Variants in SENP7 observed in about 807,000 individuals in gnomAD.
SENP7 encodes the protein sentrin-specific protease 7.
In SENP7, 64 loss-of-function variants were observed where a neutral mutation model predicts 141.2. The observed-to-expected ratio is 0.45, with a 90% confidence interval of 0.37 to 0.56. The LOEUF (loss-of-function observed/expected upper bound fraction) is 0.56, where lower values mean the gene tolerates loss of function less well. Ranked by LOEUF, SENP7 falls within the 20% of genes least tolerant of loss-of-function variation. The pLI, the probability that SENP7 is intolerant of heterozygous loss-of-function variation, is 0.00. For synonymous variants in SENP7, 382 were observed against 426.4 expected (o/e 0.90, Z 1.28); for missense variants, 1,025 against 1,212.2 (o/e 0.85, Z 2.29).
At chr3:101,329,886 G>C (rs1411324892) in intron 20 of SENP7, among the ~76,000 whole-genome samples, 2 of 150,650 alleles carry the variant, frequency 1.3e-5, no homozygotes, top group Admixed American at 1.3e-4. Flanking sequence ...ATCCAGGAGG[G>C]GGAGGTTGCA....
intron 7 of SENP7, 141 bp from the exon 8 acceptor site, chr3:101,368,152 A>G: frequency 1.6e-6 from 1 of 607,300 alleles, no homozygotes; most frequent in Non-Finnish European, 2.8e-6. Flanking sequence ...AAATTCTCAT[A>G]CTGACACTGG....
chr3:101,508,585 T>C (rs2178036), intron 1 of SENP7, among the ~76,000 whole-genome samples: 103,742 of 152,108 alleles, frequency 0.68, 35,895 homozygotes, highest in African/African-American at 0.78. Flanking sequence ...GGGGGCAGAG[T>C]GAGACCCCGT....
Position 101,490,211 on chromosome 3 carries a change from A to AC in SENP7, c.186+3661_186+3662insG, listed in dbSNP as rs527502220. Among the ~76,000 whole-genome samples the AC allele has an allele frequency of 7.2e-5, 11 of 152,144 alleles. No homozygotes were observed. The East Asian group carries it at 1.3e-3, about 19-fold the overall frequency. The stretch of plus-strand genomic sequence containing the variant: ...AAAAAAAAAACAAACAAACAAACAA[A>AC]AAAAAAAAGAGCCTAAAAGTCAGTC... On this transcript the variant is annotated intron_variant, in intron 3 of 23. Transcript: ENST00000394095.
intron 3 of SENP7, among the ~76,000 whole-genome samples, chr3:101,469,390 G>A (rs2063888973): frequency 1.3e-5 from 2 of 152,136 alleles, no homozygotes; most frequent in South Asian, 4.1e-4. Context: ...ACTCAGCTCT[G>A]CAACAAACAG....
chr3:101,463,396 T>TATATATATACATATATATATATATAC (rs1320861204), intron 3 of SENP7, among the ~76,000 whole-genome samples: 1 of 82,862 alleles, frequency 1.2e-5, no homozygotes, highest in African/African-American at 5.9e-5. Flanking sequence ...TATATATATA[T>TATATATATACATATATATATATATAC]ACATATATAT....
chr3:101,441,981 A>G (rs1250980012), intron 4 of SENP7, among the ~76,000 whole-genome samples: 2 of 152,210 alleles, frequency 1.3e-5, no homozygotes, highest in Non-Finnish European at 2.9e-5. Flanking sequence ...AGACTATACC[A>G]CTGCATCCAC....
chr3:101,499,394 A>T (rs189042523), intron 2 of SENP7, among the ~76,000 whole-genome samples: 26 of 152,254 alleles, frequency 1.7e-4, no homozygotes, highest in Middle Eastern at 3.4e-3. Flanking sequence ...CGGGGGACAG[A>T]GTCTCGCTCT....
chr3:101,388,172 T>C (rs1442442029), intron 6 of SENP7, among the ~76,000 whole-genome samples: 1 of 152,140 alleles, frequency 6.6e-6, no homozygotes, highest in Non-Finnish European at 1.5e-5. Context: ...CAAGCCCACC[T>C]GAAGGCCCAA....
chr3:101,499,092 C>T (rs1259284207), intron 2 of SENP7, among the ~76,000 whole-genome samples: 1 of 152,078 alleles, frequency 6.6e-6, no homozygotes, highest in African/African-American at 2.4e-5. Flanking sequence ...GTGAATTTTA[C>T]AGGAACTCTG....
chr3:101,407,648 G>A (rs1427289038), intron 5 of SENP7, among the ~76,000 whole-genome samples: 4 of 152,128 alleles, frequency 2.6e-5, no homozygotes, highest in Non-Finnish European at 5.9e-5. Context: ...TCAAAACCAT[G>A]CAAACACATG....
intron 4 of SENP7, among the ~76,000 whole-genome samples, chr3:101,449,238 C>G (rs903498519): frequency 1.2e-4 from 19 of 152,120 alleles, no homozygotes; most frequent in Non-Finnish European, 2.5e-4. Flanking sequence ...ACCAAATCTA[C>G]GTCTGATTGG....
At chr3:101,422,545 C>T (rs1009425190) in intron 4 of SENP7, among the ~76,000 whole-genome samples, 1 of 152,140 alleles carries the variant, frequency 6.6e-6, no homozygotes, top group South Asian at 2.1e-4. Flanking sequence ...CTCCACCTAA[C>T]CCAACAATCT....
At chr3:101,339,998 T>C (rs1232021333) in intron 16 of SENP7, 97 bp downstream of exon 16, 40 of 1,402,724 alleles carry the variant, frequency 2.9e-5, no homozygotes, top group Admixed American at 5.5e-5. Context: ...CAGGCTACTT[T>C]TAACAGAATT....
chr3:101,447,157 G>GAACA (rs1284934277), intron 4 of SENP7, among the ~76,000 whole-genome samples: 1 of 152,080 alleles, frequency 6.6e-6, no homozygotes, highest in Non-Finnish European at 1.5e-5. Context: ...TGAATGAAGA[G>GAACA]AACAATTCCA....
intron 4 of SENP7, among the ~76,000 whole-genome samples, chr3:101,437,343 T>C (rs946447918): frequency 6.6e-6 from 1 of 152,196 alleles, no homozygotes; most frequent in African/African-American, 2.4e-5. Flanking sequence ...TACTTAATCA[T>C]ATATTTTTAA....
chr3:101,466,387 A>C lies in SENP7; in HGVS notation c.187-7335T>G, dbSNP rs568898736. ...GCAAGAAAAATATCAAATCACACAT[A>C]AGAAAATCCCCATAAGATTAAAAAC... On this transcript the variant is annotated intron_variant, in intron 3 of 23. Coordinates refer to ENST00000394095, the MANE Select transcript of SENP7 (RefSeq NM_020654.5). Among the ~76,000 whole-genome samples the C allele has an allele frequency of 3.9e-5, 6 of 152,318 alleles. No homozygotes were observed. The South Asian group carries it at 1.0e-3, about 26-fold the overall frequency.
chr3:101,500,352 T>G (rs997013539), intron 2 of SENP7, among the ~76,000 whole-genome samples: 4 of 152,130 alleles, frequency 2.6e-5, no homozygotes, highest in African/African-American at 9.7e-5. Context: ...GCCAGGAATG[T>G]GAGACCAGCC....
rs754376479 is a variant in SENP7, at chr3:101,481,076, C to CAA, written c.186+12795_186+12796dup. Among the ~76,000 whole-genome samples the CAA allele has an allele frequency of 4.7e-5, 6 of 127,246 alleles. No homozygotes were observed. In the East Asian group the frequency reaches 6.5e-4, roughly 14 times the overall value. The allele number at this position is 127,246 out of a possible 152,430, so 83.5% of individuals were successfully genotyped here. On this transcript the variant is annotated intron_variant, in intron 3 of 23. Transcript: ENST00000394095. ...ATGAAAAACAGTATGGAGATTTCCC[C>CAA]AAAAAAAAAAAAAAACTAAAAATAG...
chr3:101,358,306 T>A, intron 11 of SENP7: 1 of 1,030,918 alleles, frequency 9.7e-7, no homozygotes, highest in South Asian at 1.2e-5. Flanking sequence ...CAGCCCTTAA[T>A]AAACATAAAA....
Sources: gnomAD v4.1 joint callset for allele counts (sites outside exome capture counted in the v4.1 genomes callset) on GRCh38, gnomAD v4.1.1 for gene constraint, MANE v1.5 for transcripts, NCBI Gene and HGNC (gene_info 2026-07-23, HGNC 2026-07-21) for gene names.